The following AKAP13 variants were observed in gnomAD, a reference collection of about 807,000 sequenced individuals.
The protein encoded by AKAP13 is A-kinase anchor protein 13.
Under a neutral mutation model 264.5 loss-of-function variants are expected in AKAP13, and 80 were observed. That is an observed-to-expected ratio of 0.30 (90% CI 0.25 to 0.36). The LOEUF is 0.36. Ranked by LOEUF, AKAP13 falls within the 10% of genes least tolerant of loss-of-function variation. The pLI is 1.00. For missense variants in AKAP13, 3,712 were observed against 3,435.2 expected, an observed-to-expected ratio of 1.08 and a Z score of -2.01; for synonymous variants, 1,380 against 1,250.2, an observed-to-expected ratio of 1.10 and a Z score of -2.19.
At chr15:85,737,422 T>C (rs1210037122) in intron 33 of AKAP13, among the ~76,000 whole-genome samples, 1 of 152,164 alleles carries the variant, frequency 6.6e-6, no homozygotes, top group Non-Finnish European at 1.5e-5. Context: ...TACATGATAA[T>C]TGCTTTTTAG....
intron 1 of AKAP13, among the ~76,000 whole-genome samples, chr15:85,406,569 T>C (rs1274034231): frequency 1.3e-5 from 2 of 151,234 alleles, no homozygotes; most frequent in African/African-American, 2.5e-5. Flanking sequence ...TTTCTTTAAG[T>C]GTAGATCAAT....
At chr15:85,438,210 A>G (rs1289790909) in intron 1 of AKAP13, among the ~76,000 whole-genome samples, 2 of 140,910 alleles carry the variant, frequency 1.4e-5, no homozygotes, top group African/African-American at 5.7e-5. Context: ...GTGAACTCCC[A>G]TTCACAATTG....
At chr15:85,433,430 T>C (rs1233585053) in intron 1 of AKAP13, among the ~76,000 whole-genome samples, 1 of 152,156 alleles carries the variant, frequency 6.6e-6, no homozygotes, top group East Asian at 1.9e-4. Flanking sequence ...TTGTCGGTAG[T>C]GGGCATTTTC....
chr15:85,504,501 T>TA (rs2076132248), intron 2 of AKAP13, among the ~76,000 whole-genome samples: 1 of 28,666 alleles, frequency 3.5e-5, no homozygotes, highest in Non-Finnish European at 5.5e-5. Context: ...ACCCTGTCTT[T>TA]ACAAAAAAAA....
intron 1 of AKAP13, among the ~76,000 whole-genome samples, chr15:85,459,690 G>A (rs2074431271): frequency 6.6e-6 from 1 of 152,022 alleles, no homozygotes; most frequent in South Asian, 2.1e-4. Flanking sequence ...TAGTAGAGAT[G>A]GGGTTTCACC....
chr15:85,439,413 G>A (rs150660791), intron 1 of AKAP13, among the ~76,000 whole-genome samples: 31,817 of 151,608 alleles, frequency 0.21, 4,115 homozygotes, highest in African/African-American at 0.34. Context: ...TCAGTGTGGC[G>A]ATTCCTCAAG....
At chr15:85,569,259 TG>T (rs951037299) in intron 5 of AKAP13, among the ~76,000 whole-genome samples, 51 of 151,832 alleles carry the variant, frequency 3.4e-4, no homozygotes, top group African/African-American at 1.2e-3. Flanking sequence ...AAAGAGATTG[TG>T]GGGGTGAATT....
intron 15 of AKAP13, among the ~76,000 whole-genome samples, chr15:85,683,081 T>C (rs1363031074): frequency 6.6e-6 from 1 of 152,210 alleles, no homozygotes; most frequent in Non-Finnish European, 1.5e-5. Context: ...TGCCCTGCAG[T>C]TTTTTCTGAG....
chr15:85,705,132 G>C (rs2086156667), intron 17 of AKAP13, among the ~76,000 whole-genome samples: 1 of 152,190 alleles, frequency 6.6e-6, no homozygotes, highest in Non-Finnish European at 1.5e-5. Context: ...TTCTTTACTA[G>C]AAGCACATTT....
intron 4 of AKAP13, 135 bp downstream of exon 4, chr15:85,534,015 G>A: frequency 2.0e-6 from 2 of 995,722 alleles, no homozygotes; most frequent in South Asian, 1.8e-5. Flanking sequence ...ATTACTGTAG[G>A]AAAGTGGCCT....
intron 33 of AKAP13, among the ~76,000 whole-genome samples, chr15:85,737,452 TTGAC>T (rs1179068864): frequency 1.3e-5 from 2 of 152,182 alleles, no homozygotes; most frequent in South Asian, 2.1e-4. Flanking sequence ...CTCAAGGATG[TTGAC>T]TGTGTTTCTT....
At chr15:85,432,098 C>CTT (rs146022866) in intron 1 of AKAP13, among the ~76,000 whole-genome samples, 6 of 150,942 alleles carry the variant, frequency 4.0e-5, no homozygotes, top group Non-Finnish European at 7.4e-5. Flanking sequence ...GTTCTCATTT[C>CTT]TTTTTTTTTA....
At chr15:85,687,408 G>A (rs1420623776) in intron 16 of AKAP13, among the ~76,000 whole-genome samples, 1 of 152,184 alleles carries the variant, frequency 6.6e-6, no homozygotes, top group Non-Finnish European at 1.5e-5. Context: ...GTGTTAGACC[G>A]AAATCTGTGA....
At chr15:85,621,180 G>A (rs949885659) in intron 8 of AKAP13, 7 of 152,146 alleles carry the variant, frequency 4.6e-5, no homozygotes, top group Non-Finnish European at 8.8e-5. Flanking sequence ...CTTTGGTCAA[G>A]TGAGGCTAAG....
intron 1 of AKAP13, among the ~76,000 whole-genome samples, chr15:85,474,727 A>G (rs2075091990): frequency 6.6e-6 from 1 of 152,216 alleles, no homozygotes; most frequent in African/African-American, 2.4e-5. Flanking sequence ...TAGGTGGTTT[A>G]ACAAAAACCT....
chr15:85,494,371 C>T (rs1179845179), intron 2 of AKAP13, among the ~76,000 whole-genome samples: 1 of 152,178 alleles, frequency 6.6e-6, no homozygotes, highest in Non-Finnish European at 1.5e-5. Flanking sequence ...AGGCCCCAGG[C>T]TTAGTCTGGA....
intron 17 of AKAP13, among the ~76,000 whole-genome samples, chr15:85,707,327 A>G (rs184041619): frequency 6.6e-6 from 1 of 152,264 alleles, no homozygotes; most frequent in East Asian, 1.9e-4. Context: ...ATTGAGATAA[A>G]ATGCTGTCCT....
chr15:85,458,393 G>GTTTTTTTTTTTTTTTTTTT (rs4037636), intron 1 of AKAP13, among the ~76,000 whole-genome samples: 9 of 120,664 alleles, frequency 7.5e-5, no homozygotes, highest in South Asian at 2.5e-4. Flanking sequence ...TTTGTTTTTT[G>GTTTTTTTTTTTTTTTTTTT]TTTTTTTTTT....
At chr15:85,438,274 C>T (rs1216923199) in intron 1 of AKAP13, among the ~76,000 whole-genome samples, 3 of 135,686 alleles carry the variant, frequency 2.2e-5, no homozygotes, top group Non-Finnish European at 4.6e-5. Flanking sequence ...TGTGAAGGAC[C>T]TCTTCAAGGA....
Sources: allele counts gnomAD v4.1 joint callset (sites outside exome capture counted in the v4.1 genomes callset), GRCh38; gene constraint gnomAD v4.1.1; transcripts MANE v1.5; gene names NCBI Gene and HGNC (gene_info 2026-07-23, HGNC 2026-07-21).